SLC23A2: variants seen among roughly 807,000 people sequenced by gnomAD.
The protein encoded by SLC23A2 is solute carrier family 23 member 2, also known as Na(+)/L-ascorbic acid transporter 2.
In SLC23A2, 36 loss-of-function variants were observed where a neutral mutation model predicts 73.3. That is an observed-to-expected ratio of 0.49 (90% CI 0.38 to 0.65). The LOEUF (loss-of-function observed/expected upper bound fraction) is 0.65, where lower values mean the gene tolerates loss of function less well. SLC23A2 is among the 30% of genes least tolerant of loss of function. The pLI is 0.00. For missense variants in SLC23A2, 507 were observed against 841.6 expected, an observed-to-expected ratio of 0.60 and a Z score of 4.92; for synonymous variants, 343 against 327.3, an observed-to-expected ratio of 1.05 and a Z score of -0.52.
Position 4,883,698 on chromosome 20 carries a change from G to C in SLC23A2, c.768C>G (p.Leu256=). ...TCTCCCCCGCTGCCTGGAAACCAGAGAGGCCAATTAGGGCCACCGTGGGTG... is the reference window on the plus strand; with the variant it reads ...TCTCCCCCGCTGCCTGGAAACCAGACAGGCCAATTAGGGCCACCGTGGGTG... ...TITPTVALIG[L]SGFQAAGERA... Residue 256 remains leucine (L), a synonymous_variant, in exon 9 of 17, where the codon CTC becomes CTG. Transcript: ENST00000338244. The surrounding 1 kb of genome is among the most constrained non-coding windows in gnomAD (Gnocchi z 4.5). 5 of 1,613,894 alleles carry C rather than the reference G, an allele frequency of 3.1e-6. No individual in the cohort carries two copies. Among genetic ancestry groups the C allele is most frequent in the Non-Finnish European group, 2.5e-6 (3 of 1,179,878 alleles).
intron 4 of SLC23A2, among the ~76,000 whole-genome samples, chr20:4,907,225 G>A (rs549128579): frequency 6.6e-6 from 1 of 152,030 alleles, no homozygotes; most frequent in Admixed American, 6.6e-5. Context: ...ATACCCACAG[G>A]AGACCACACG....
chr20:4,893,246 G>T (rs1931397937), intron 6 of SLC23A2, among the ~76,000 whole-genome samples: 2 of 151,854 alleles, frequency 1.3e-5, no homozygotes, highest in South Asian at 4.2e-4. Context: ...TTTATTATTT[G>T]TAGAGACAAG....
chr20:4,885,947 G>T (rs139616286), intron 6 of SLC23A2, 38 bp from the exon 7 acceptor site: 2 of 1,385,404 alleles, frequency 1.4e-6, no homozygotes, highest in Non-Finnish European at 2.0e-6. Context: ...TCACGGCATC[G>T]GGAACTACCG....
At chr20:4,969,999 C>T (rs894872582) in intron 2 of SLC23A2, among the ~76,000 whole-genome samples, 3 of 152,064 alleles carry the variant, frequency 2.0e-5, no homozygotes, top group Non-Finnish European at 2.9e-5. Context: ...AAAAAGAATG[C>T]TCCTGAGTAA....
intron 1 of SLC23A2, among the ~76,000 whole-genome samples, chr20:5,009,852 T>C (rs1236808954): frequency 1.3e-5 from 2 of 151,874 alleles, no homozygotes; most frequent in Non-Finnish European, 2.9e-5. Context: ...TCCCAGCACT[T>C]TGGGAGGCCG....
chr20:4,912,804 C>G, intron 4 of SLC23A2, 76 bp downstream of exon 4: 1 of 936,170 alleles, frequency 1.1e-6, no homozygotes, highest in Non-Finnish European at 1.8e-6. Context: ...GAAAGGGATC[C>G]GGATCCAGAT....
At chr20:4,980,902 C>T (rs138351173) in intron 1 of SLC23A2, among the ~76,000 whole-genome samples, 3 of 152,286 alleles carry the variant, frequency 2.0e-5, no homozygotes, top group African/African-American at 7.2e-5. Context: ...TATGTATACG[C>T]GTTCCACCAC....
Position 4,854,160 on chromosome 20 carries a change from C to A in SLC23A2, c.*2812G>T, listed in dbSNP as rs1929627226. On this transcript the variant is annotated 3_prime_UTR_variant, in exon 17 of 17. Coordinates refer to ENST00000338244, the MANE Select transcript of SLC23A2 (RefSeq NM_005116.6). ...CACATCCAAAATATTTTACAACACTCTACAGGCAAAACAAAGTACGGGGTG... is the reference window on the plus strand; with the variant it reads ...CACATCCAAAATATTTTACAACACTATACAGGCAAAACAAAGTACGGGGTG... The A allele has an allele frequency of 1.3e-5, 2 of 152,284 alleles. No individual in the cohort carries two copies. The highest frequency in any genetic ancestry group is 4.1e-4 in the South Asian group (2 of 4,822). The allele number at this position is 152,284 out of a possible 1,614,324, so 9.4% of individuals were successfully genotyped here.
chr20:4,865,016 G>A (rs1930135085), intron 13 of SLC23A2, among the ~76,000 whole-genome samples: 1 of 152,232 alleles, frequency 6.6e-6, no homozygotes, highest in South Asian at 2.1e-4. Context: ...TATTGACCAA[G>A]TACCTATTAT....
chr20:4,992,801 C>T (rs141091899), intron 1 of SLC23A2, among the ~76,000 whole-genome samples: 2,711 of 151,500 alleles, frequency 0.018, 87 homozygotes, highest in African/African-American at 0.061. Context: ...TGAGCCACCG[C>T]GCTTGGCCAA....
chr20:4,907,921 T>G (rs1021128215), intron 4 of SLC23A2, among the ~76,000 whole-genome samples: 33 of 151,976 alleles, frequency 2.2e-4, no homozygotes, highest in African/African-American at 8.0e-4. Flanking sequence ...GTTTACATAA[T>G]TTGGCCAGAT....
chr20:4,899,631 C>T lies in SLC23A2; in HGVS notation c.406G>A (p.Ala136Thr). Reference sequence around the variant, plus strand: ...ATGGTCCCAATGAGCTGGCTGGTGGCCCACTGGTCGTACCCCACACACATG... The same window carrying T: ...ATGGTCCCAATGAGCTGGCTGGTGGTCCACTGGTCGTACCCCACACACATG... ...DAMCVGYDQW[A>T]TSQLIGTIFF... The change falls in exon 6 of 17, where the codon GCC becomes ACC. Residue 136 changes from alanine (A) to threonine (T), a missense_variant. This residue lies in a region of SLC23A2 where 217 missense variants were observed against 398.0 expected (regional missense o/e 0.55). Transcript: ENST00000338244. The surrounding 1 kb of genome is among the most constrained non-coding windows in gnomAD (Gnocchi z 4.9). 1 of 1,614,090 alleles carries T rather than the reference C, an allele frequency of 6.2e-7. No individual in the cohort carries two copies. Among genetic ancestry groups the T allele is most frequent in the African/African-American group, 1.3e-5 (1 of 75,030 alleles).
intron 15 of SLC23A2, among the ~76,000 whole-genome samples, chr20:4,860,268 G>C: frequency 1.3e-5 from 2 of 152,360 alleles, no homozygotes; most frequent in Admixed American, 1.3e-4. Flanking sequence ...TGGGTATACA[G>C]AGCAGTGAAA....
chr20:4,876,642 A>T (rs977737537), intron 9 of SLC23A2, among the ~76,000 whole-genome samples: 1 of 152,180 alleles, frequency 6.6e-6, no homozygotes, highest in Non-Finnish European at 1.5e-5. Context: ...ACCTTTGCTA[A>T]CTTTTACTTT....
At chr20:4,875,680 CG>C (rs1568605807) in intron 9 of SLC23A2, among the ~76,000 whole-genome samples, 1 of 152,186 alleles carries the variant, frequency 6.6e-6, no homozygotes, top group Non-Finnish European at 1.5e-5. Context: ...TGGTGTCCCA[CG>C]GGGCTGGCAG....
rs1929780446 is a variant in SLC23A2 at position 4,857,660 on chromosome 20, G to A, written c.1721-456C>T. 6.6e-6 allele frequency among the ~76,000 whole-genome samples: 1 copy of A among 152,112 alleles called. No individual in the cohort carries two copies. Among genetic ancestry groups the A allele is most frequent in the Non-Finnish European group, 1.5e-5 (1 of 68,034 alleles). On this transcript the variant is annotated intron_variant, in intron 16 of 16. Coordinates refer to ENST00000338244, the MANE Select transcript of SLC23A2 (RefSeq NM_005116.6). The surrounding 1 kb of genome is among the most constrained non-coding windows in gnomAD (Gnocchi z 4.0). ...AAACTACCTCTCTAGGCCAGGTGTGGTGGCTCACACCTGTAATCCAAGCAC... is the reference window on the plus strand; with the variant it reads ...AAACTACCTCTCTAGGCCAGGTGTGATGGCTCACACCTGTAATCCAAGCAC...
chr20:4,896,048 C>T (rs536749497), intron 6 of SLC23A2, among the ~76,000 whole-genome samples: 8 of 152,218 alleles, frequency 5.3e-5, no homozygotes, highest in African/African-American at 1.2e-4. Flanking sequence ...AAGATGGGAA[C>T]AGGAAGGGTG....
At chr20:4,869,374 G>C (rs1034301762) in intron 12 of SLC23A2, among the ~76,000 whole-genome samples, 4 of 144,942 alleles carry the variant, frequency 2.8e-5, no homozygotes, top group African/African-American at 1.0e-4. Context: ...TGAAGAGCTT[G>C]TTTTGCTGGG....
chr20:4,951,159 T>C (rs556090107), intron 2 of SLC23A2, among the ~76,000 whole-genome samples: 1 of 152,202 alleles, frequency 6.6e-6, no homozygotes, highest in South Asian at 2.1e-4. Context: ...AAAAGAAAAT[T>C]TAAAACAAAA....
Sources: allele counts gnomAD v4.1 joint callset (sites outside exome capture counted in the v4.1 genomes callset), GRCh38; gene constraint gnomAD v4.1.1; regional missense constraint gnomAD v4.1.1; non-coding constraint Gnocchi (gnomAD v3.1); transcripts MANE v1.5; gene names NCBI Gene and HGNC (gene_info 2026-07-23, HGNC 2026-07-21).